The following SLC4A4 variants were observed in gnomAD, a reference collection of about 807,000 sequenced individuals.
SLC4A4 encodes the protein solute carrier family 4 member 4, also known as electrogenic sodium bicarbonate cotransporter 1.
SLC4A4 carries 27 observed loss-of-function variants against 111.5 expected under a neutral mutation model. That is an observed-to-expected ratio of 0.24 (90% CI 0.18 to 0.33). The LOEUF (loss-of-function observed/expected upper bound fraction) is 0.33. Among genes scored for constraint, SLC4A4 ranks in the 10% least tolerant of loss-of-function variants. The probability of loss-of-function intolerance (pLI) is 1.00; values close to 1 mark genes in which losing one functional copy is unlikely to be tolerated. For synonymous variants in SLC4A4, 443 were observed against 463.4 expected, an observed-to-expected ratio of 0.96 and a Z score of 0.57; for missense variants, 909 against 1,315.5, an observed-to-expected ratio of 0.69 and a Z score of 4.78.
intron 1 of SLC4A4, chr4:71,236,279 A>G (rs1018790541): frequency 7.6e-5 from 80 of 1,049,300 alleles, no homozygotes; most frequent in Non-Finnish European, 9.2e-5. Context: ...AAGAATTTTA[A>G]AACCCTAAAG....
rs1022312620 is a variant in SLC4A4, at chr4:71,123,753, G to A, written c.-2+30961G>A. Among the ~76,000 whole-genome samples the A allele has an allele frequency of 7.9e-5, 12 of 152,240 alleles. No homozygotes were observed. In the South Asian group the frequency reaches 8.3e-4, roughly 11 times the overall value. On this transcript the variant is annotated intron_variant, in intron 2 of 26. Transcript: ENST00000649996. Reference sequence around the variant, plus strand: ...AACAAGAAGAATGATCTAGTGCACCGTTTGAGGACTTTTATTTTTTTGCGC... The same window carrying A: ...AACAAGAAGAATGATCTAGTGCACCATTTGAGGACTTTTATTTTTTTGCGC...
At chr4:71,282,448 G>A (rs1723597749) in intron 3 of SLC4A4, among the ~76,000 whole-genome samples, 1 of 151,918 alleles carries the variant, frequency 6.6e-6, no homozygotes, top group Non-Finnish European at 1.5e-5. Context: ...ACCATGCCCG[G>A]CTAATTTTGT....
rs148716716 is a variant in SLC4A4, at chr4:71,176,279, C to T, written c.-1-60297C>T. On this transcript the variant is annotated intron_variant, in intron 2 of 26. Coordinates refer to the SLC4A4 transcript ENST00000649996. ...CTCTAAAAATCAGAGTGCCTCTCCTCCTCCAGAGGAATGCAGCTCCTCACT... is the reference window on the plus strand; with the variant it reads ...CTCTAAAAATCAGAGTGCCTCTCCTTCTCCAGAGGAATGCAGCTCCTCACT... 6.1e-3 allele frequency among the ~76,000 whole-genome samples: 935 copies of T among 152,338 alleles called. 3 individuals carry two copies. The highest frequency in any genetic ancestry group is 0.011 in the Non-Finnish European group (717 of 68,032).
chr4:71,436,970 A>AT, intron 7 of SLC4A4: 1 of 340,398 alleles, frequency 2.9e-6, no homozygotes, highest in Non-Finnish European at 5.6e-6. Flanking sequence ...GTTGTTTTCT[A>AT]TTAAAAAAAA....
intron 3 of SLC4A4, among the ~76,000 whole-genome samples, chr4:71,262,518 T>C (rs1168315152): frequency 6.6e-6 from 1 of 152,192 alleles, no homozygotes; most frequent in African/African-American, 2.4e-5. Context: ...AAGTTATCCT[T>C]TATCCTTCTC....
chr4:71,518,870 C>T (rs1178130306), intron 16 of SLC4A4, among the ~76,000 whole-genome samples: 1 of 152,102 alleles, frequency 6.6e-6, no homozygotes, highest in Non-Finnish European at 1.5e-5. Flanking sequence ...GGGTTCTCTA[C>T]CAACTAGAGT....
At chr4:71,478,682 C>A (rs1188921272) in intron 14 of SLC4A4, among the ~76,000 whole-genome samples, 2 of 151,466 alleles carry the variant, frequency 1.3e-5, no homozygotes, top group African/African-American at 4.8e-5. Context: ...AGCAAACCAC[C>A]ATGGCACATG....
At chr4:71,373,309 G>T (rs1732052047) in intron 6 of SLC4A4, among the ~76,000 whole-genome samples, 1 of 152,208 alleles carries the variant, frequency 6.6e-6, no homozygotes, top group African/African-American at 2.4e-5. Flanking sequence ...GTGTACAACA[G>T]TAGCATTTAT....
At chr4:71,173,390 T>A (rs2579334) in intron 2 of SLC4A4, among the ~76,000 whole-genome samples, 151,520 of 152,270 alleles carry the variant, frequency 1, 75,395 homozygotes, top group South Asian at 1. Context: ...TTAATTAATT[T>A]ATTTATTTTG....
chr4:71,385,171 T>TTATATA (rs199563560), intron 6 of SLC4A4, among the ~76,000 whole-genome samples: 565 of 39,980 alleles, frequency 0.014, 39 homozygotes, highest in South Asian at 0.022. Flanking sequence ...TAGGTTAGAT[T>TTATATA]TATATATATA....
At chr4:71,376,044 TATATACACGTATATATATATAC>T (rs1412004355) in intron 6 of SLC4A4, among the ~76,000 whole-genome samples, 1 of 149,760 alleles carries the variant, frequency 6.7e-6, no homozygotes, top group South Asian at 2.1e-4. Flanking sequence ...TATATATACA[TATATACACGTATATATATATAC>T]ATATACACGT....
chr4:71,539,129 A>G (rs553598335), intron 18 of SLC4A4, among the ~76,000 whole-genome samples: 20 of 151,114 alleles, frequency 1.3e-4, no homozygotes, highest in Non-Finnish European at 2.8e-4. Context: ...TTTTTGGATA[A>G]CTCCCAAATT....
chr4:71,335,824 CA>C lies in SLC4A4; in HGVS notation c.254-3532del, dbSNP rs201681412. 2.5e-3 allele frequency among the ~76,000 whole-genome samples: 332 copies of C among 133,678 alleles called. 3 individuals carry two copies. The highest frequency in any genetic ancestry group is 0.023 in the South Asian group (102 of 4,370). 87.7% of individuals were successfully genotyped at this position (133,678 alleles called of 152,430 possible). A position where few individuals can be genotyped will look rare whatever the true frequency, so the allele number is the denominator to read the frequency against. ...TGGGCAATAGTGTGAGACTCTGTCT[CA>C]AAAAAAAAAAAAATTTCTAATCACA... is the stretch of plus-strand genomic sequence containing the variant. On this transcript the variant is annotated intron_variant, in intron 3 of 25. Transcript: ENST00000264485.
intron 12 of SLC4A4, among the ~76,000 whole-genome samples, 186 bp downstream of exon 12, chr4:71,453,855 T>C (rs1577943353): frequency 6.6e-6 from 1 of 152,108 alleles, no homozygotes; most frequent in Non-Finnish European, 1.5e-5. Context: ...ATTATAAAAA[T>C]AGCTCGATGA....
intron 2 of SLC4A4, among the ~76,000 whole-genome samples, chr4:71,097,049 G>T (rs1452826424): frequency 6.6e-6 from 1 of 152,102 alleles, no homozygotes; most frequent in Non-Finnish European, 1.5e-5. Flanking sequence ...AGGTTTAGGG[G>T]TACATTTACA....
intron 7 of SLC4A4, among the ~76,000 whole-genome samples, chr4:71,398,608 A>G (rs1253097008): frequency 1.3e-5 from 2 of 152,214 alleles, no homozygotes; most frequent in Non-Finnish European, 2.9e-5. Context: ...TGAAAGCAAT[A>G]TATTTAAAAA....
intron 1 of SLC4A4, among the ~76,000 whole-genome samples, chr4:71,084,995 G>C (rs977523239): frequency 4.6e-5 from 7 of 152,048 alleles, no homozygotes; most frequent in Non-Finnish European, 8.8e-5. Flanking sequence ...CTTCCACAAT[G>C]GTTGAACTAG....
intron 3 of SLC4A4, among the ~76,000 whole-genome samples, chr4:71,286,083 A>G (rs1723892299): frequency 6.6e-6 from 1 of 152,152 alleles, no homozygotes; most frequent in Non-Finnish European, 1.5e-5. Context: ...CTAAAAAAAT[A>G]CAAAAAATTA....
At chr4:71,328,315 A>T (rs2148875012) in intron 3 of SLC4A4, among the ~76,000 whole-genome samples, 1 of 152,260 alleles carries the variant, frequency 6.6e-6, no homozygotes, top group East Asian at 1.9e-4. Context: ...TCTCTTTGAT[A>T]TACTGATTTC....
Sources: gnomAD v4.1 joint callset for allele counts (sites outside exome capture counted in the v4.1 genomes callset) on GRCh38, gnomAD v4.1.1 for gene constraint, MANE v1.5 for transcripts, NCBI Gene and HGNC (gene_info 2026-07-23, HGNC 2026-07-21) for gene names.